SEMA6D: variants seen among roughly 807,000 people sequenced by gnomAD.
SEMA6D encodes the protein semaphorin 6D.
Under a neutral mutation model 106.6 loss-of-function variants are expected in SEMA6D, and 35 were observed. That is an observed-to-expected ratio of 0.33 (90% CI 0.25 to 0.44). The LOEUF is 0.44. Among genes scored for constraint, SEMA6D ranks in the 20% least tolerant of loss-of-function variants. The pLI is 1.00. For synonymous variants in SEMA6D, 499 were observed against 487.7 expected, an observed-to-expected ratio of 1.02 and a Z score of -0.31; for missense variants, 1,185 against 1,345.9, an observed-to-expected ratio of 0.88 and a Z score of 1.87.
chr15:47,588,389 A>G (rs1321859787), intron 3 of SEMA6D, among the ~76,000 whole-genome samples: 3 of 152,174 alleles, frequency 2.0e-5, no homozygotes, highest in African/African-American at 7.2e-5. Flanking sequence ...AGCAGAGTCA[A>G]ATCCCTGGTA....
intron 4 of SEMA6D, among the ~76,000 whole-genome samples, chr15:47,705,562 G>A (rs1411605052): frequency 6.6e-6 from 1 of 152,114 alleles, no homozygotes; most frequent in African/African-American, 2.4e-5. Flanking sequence ...ATTTTTGGCA[G>A]TGGGATCTAG....
chr15:47,552,843 A>T (rs1411905313), intron 3 of SEMA6D, among the ~76,000 whole-genome samples: 19 of 79,078 alleles, frequency 2.4e-4, no homozygotes, highest in Admixed American at 3.8e-4. Flanking sequence ...TATATATATA[A>T]ATATATATAA....
At chr15:47,588,053 T>A (rs2076374447) in intron 3 of SEMA6D, among the ~76,000 whole-genome samples, 1 of 152,098 alleles carries the variant, frequency 6.6e-6, no homozygotes, top group South Asian at 2.1e-4. Flanking sequence ...AATGAAGAAA[T>A]TCCCCTGACA....
intron 3 of SEMA6D, among the ~76,000 whole-genome samples, chr15:47,568,448 C>T (rs2046291796): frequency 6.6e-6 from 1 of 151,980 alleles, no homozygotes; most frequent in Non-Finnish European, 1.5e-5. Context: ...AATTTACAAG[C>T]AATTCTATAT....
At chr15:47,449,971 A>G (rs1279321483) in intron 2 of SEMA6D, among the ~76,000 whole-genome samples, 1 of 152,106 alleles carries the variant, frequency 6.6e-6, no homozygotes, top group Non-Finnish European at 1.5e-5. Flanking sequence ...TCAGAGACAC[A>G]TCTCGACTTC....
chr15:47,353,497 A>G (rs377276479), intron 1 of SEMA6D, among the ~76,000 whole-genome samples: 128 of 152,282 alleles, frequency 8.4e-4, no homozygotes, highest in African/African-American at 2.9e-3. Context: ...TCCATTGGGA[A>G]TGTGTCAACT....
At chr15:47,529,224 A>T (rs1596249850) in intron 3 of SEMA6D, among the ~76,000 whole-genome samples, 1 of 152,146 alleles carries the variant, frequency 6.6e-6, no homozygotes, top group Non-Finnish European at 1.5e-5. Context: ...CCTCGTCTTC[A>T]TGTTGAGTAG....
At chr15:47,363,736 C>A (rs949365737) in intron 1 of SEMA6D, among the ~76,000 whole-genome samples, 1 of 152,136 alleles carries the variant, frequency 6.6e-6, no homozygotes, top group East Asian at 1.9e-4. Context: ...AAGTTGTATT[C>A]GTTTAGTTTC....
chr15:47,424,510 A>C (rs1244685931), intron 2 of SEMA6D, among the ~76,000 whole-genome samples: 1 of 152,130 alleles, frequency 6.6e-6, no homozygotes, highest in East Asian at 1.9e-4. Context: ...AATAACTTGG[A>C]AAGTAAGTTC....
chr15:47,370,730 C>A (rs547673149), intron 1 of SEMA6D, among the ~76,000 whole-genome samples: 1 of 148,418 alleles, frequency 6.7e-6, no homozygotes, highest in South Asian at 2.1e-4. Context: ...TGTGGCAGCA[C>A]GCGCCAGTAG....
chr15:47,346,744 A>C (rs2038061895), intron 1 of SEMA6D, among the ~76,000 whole-genome samples: 1 of 151,988 alleles, frequency 6.6e-6, no homozygotes, highest in Admixed American at 6.6e-5. Context: ...TTCTATCTTA[A>C]GTAAATTTTT....
intron 4 of SEMA6D, among the ~76,000 whole-genome samples, chr15:47,627,417 A>G (rs1015881589): frequency 1.3e-5 from 2 of 152,192 alleles, no homozygotes; most frequent in Non-Finnish European, 1.5e-5. Context: ...CAAGGTTAAA[A>G]TTCTAACCCT....
chr15:47,315,020 C>T (rs1003791507), intron 1 of SEMA6D, among the ~76,000 whole-genome samples: 1 of 151,150 alleles, frequency 6.6e-6, no homozygotes, highest in Non-Finnish European at 1.5e-5. Flanking sequence ...CGCCCGCCAT[C>T]ACGCCCGGCT....
chr15:47,297,723 A>C (rs2142952897), intron 1 of SEMA6D, among the ~76,000 whole-genome samples: 1 of 152,176 alleles, frequency 6.6e-6, no homozygotes, highest in East Asian at 1.9e-4. Context: ...GCTGACTAAA[A>C]TACTGATGAG....
chr15:47,515,023 A>G, intron 3 of SEMA6D, among the ~76,000 whole-genome samples: 1 of 151,818 alleles, frequency 6.6e-6, no homozygotes, highest in East Asian at 1.9e-4. Flanking sequence ...CTCATTTCCT[A>G]CCCCCATTCT....
chr15:47,554,542 G>A (rs74013808), intron 3 of SEMA6D, among the ~76,000 whole-genome samples: 9,187 of 152,262 alleles, frequency 0.06, 316 homozygotes, highest in South Asian at 0.096. Context: ...GTGTTAGTAA[G>A]TCACTTCAGC....
intron 1 of SEMA6D, among the ~76,000 whole-genome samples, chr15:47,350,295 T>C (rs2038268314): frequency 6.6e-6 from 1 of 151,034 alleles, no homozygotes; most frequent in Non-Finnish European, 1.5e-5. Flanking sequence ...GGGGCTTGCA[T>C]ACATCAGCCT....
intron 1 of SEMA6D, among the ~76,000 whole-genome samples, chr15:47,331,877 G>T (rs1032959835): frequency 2.0e-5 from 3 of 152,188 alleles, no homozygotes; most frequent in African/African-American, 7.2e-5. Context: ...TAGTTACTTA[G>T]TGTGTTTACA....
intron 1 of SEMA6D, among the ~76,000 whole-genome samples, chr15:47,315,276 T>G (rs962942941): frequency 6.6e-6 from 1 of 152,198 alleles, no homozygotes; most frequent in African/African-American, 2.4e-5. Context: ...TTGTAAAAGG[T>G]GTAAGATTTG....
Sources: gnomAD v4.1 joint callset for allele counts (sites outside exome capture counted in the v4.1 genomes callset) on GRCh38, gnomAD v4.1.1 for gene constraint, MANE v1.5 for transcripts, NCBI Gene and HGNC (gene_info 2026-07-23, HGNC 2026-07-21) for gene names.